Variants in ZNRF1 observed in about 807,000 individuals in gnomAD.
ZNRF1 encodes the protein E3 ubiquitin-protein ligase ZNRF1.
Under a neutral mutation model 18.4 loss-of-function variants are expected in ZNRF1, and 3 were observed. That is an observed-to-expected ratio of 0.16 (90% CI 0.07 to 0.42). The LOEUF (loss-of-function observed/expected upper bound fraction) is 0.42. Among genes scored for constraint, ZNRF1 ranks in the 10% least tolerant of loss-of-function variants. ZNRF1 has a pLI of 0.99. For synonymous variants in ZNRF1, 157 were observed against 144.2 expected (o/e 1.09, Z -0.64); for missense variants, 310 against 329.8 (o/e 0.94, Z 0.47).
intron 1 of ZNRF1, among the ~76,000 whole-genome samples, chr16:75,081,623 G>C (rs1035789790): frequency 1.2e-4 from 19 of 152,182 alleles, no homozygotes; most frequent in Non-Finnish European, 1.9e-4. Flanking sequence ...AGGGATGTAG[G>C]TGTGCAGTGT....
chr16:75,034,579 C>T (rs998742401), intron 1 of ZNRF1, among the ~76,000 whole-genome samples: 4 of 152,252 alleles, frequency 2.6e-5, no homozygotes, highest in East Asian at 3.9e-4. Flanking sequence ...GCTGTGAACA[C>T]GAATATACAA....
chr16:75,068,231 G>A (rs1002264714), intron 1 of ZNRF1, among the ~76,000 whole-genome samples: 13 of 148,832 alleles, frequency 8.7e-5, no homozygotes, highest in Admixed American at 5.4e-4. Flanking sequence ...GGGCATGATT[G>A]CATGCACCTG....
chr16:75,106,243 C>T lies in ZNRF1; in HGVS notation c.627-239C>T. On this transcript the variant is annotated intron_variant, in intron 3 of 4. Transcript: ENST00000335325. ...AAAGCCACTCTGCCCCTTCCTGCAG[C>T]ACCAGATCCCCCTGAGCCGGTACTG... 4 of 529,066 alleles carry T rather than the reference C, an allele frequency of 7.6e-6. No homozygotes were observed. The South Asian group carries it at 8.9e-5, about 12-fold the overall frequency. The allele number at this position is 529,066 out of a possible 1,614,324, so 32.8% of individuals were successfully genotyped here. A position where few individuals can be genotyped will look rare whatever the true frequency, so the allele number is the denominator to read the frequency against.
chr16:75,046,623 T>G (rs1216953445), intron 1 of ZNRF1: 3 of 152,256 alleles, frequency 2.0e-5, no homozygotes, highest in African/African-American at 4.8e-5. Context: ...TCGCCCAGGC[T>G]GGAGCACAGT....
At chr16:75,033,727 G>C (rs1037743598) in intron 1 of ZNRF1, among the ~76,000 whole-genome samples, 1 of 152,122 alleles carries the variant, frequency 6.6e-6, no homozygotes, top group African/African-American at 2.4e-5. Flanking sequence ...GTCAGCTATT[G>C]TGCTTGGCCT....
intron 1 of ZNRF1, among the ~76,000 whole-genome samples, chr16:75,041,045 C>T (rs1402951235): frequency 6.6e-6 from 1 of 152,138 alleles, no homozygotes; most frequent in Non-Finnish European, 1.5e-5. Context: ...AGCTGATAGA[C>T]TTTTGGATTG....
At chr16:75,091,135 G>C (rs1003768719) in intron 1 of ZNRF1, among the ~76,000 whole-genome samples, 6 of 152,118 alleles carry the variant, frequency 3.9e-5, no homozygotes, top group Non-Finnish European at 7.4e-5. Context: ...CAGGCAGGTA[G>C]ATCATCTGAG....
intron 1 of ZNRF1, among the ~76,000 whole-genome samples, chr16:75,042,741 G>A (rs185512927): frequency 2.4e-4 from 36 of 152,166 alleles, no homozygotes; most frequent in Admixed American, 1.1e-3. Flanking sequence ...TTCCATGTAC[G>A]TTTTAGGATC....
At chr16:75,083,093 C>CT (rs900567403) in intron 1 of ZNRF1, among the ~76,000 whole-genome samples, 3 of 152,180 alleles carry the variant, frequency 2.0e-5, no homozygotes, top group Non-Finnish European at 2.9e-5. Context: ...AATGATGCCT[C>CT]TTACAATTGA....
chr16:75,104,752 C>G (rs1179669343), intron 2 of ZNRF1, 32 bp from the exon 3 acceptor site: 2 of 1,560,776 alleles, frequency 1.3e-6, no homozygotes, highest in Non-Finnish European at 1.7e-6. Context: ...TGGTGACTAA[C>G]CCTCCTGCAC....
intron 1 of ZNRF1, among the ~76,000 whole-genome samples, chr16:75,043,674 C>G (rs750071870): frequency 1.3e-5 from 2 of 151,568 alleles, no homozygotes; most frequent in Non-Finnish European, 2.9e-5. Context: ...CAGTATATGG[C>G]ATATATACAC....
At chr16:75,051,042 AAAAAAAAC>A (rs1567479004) in intron 1 of ZNRF1, among the ~76,000 whole-genome samples, 2 of 66,344 alleles carry the variant, frequency 3.0e-5, no homozygotes, top group Admixed American at 1.5e-4. Context: ...AAAGAAAAAA[AAAAAAAAC>A]AAAACCTGGG....
intron 1 of ZNRF1, among the ~76,000 whole-genome samples, chr16:75,008,211 C>T (rs565864596): frequency 6.6e-6 from 1 of 152,210 alleles, no homozygotes; most frequent in Admixed American, 6.5e-5. Context: ...CAGATATTTG[C>T]TAAGCAATCT....
rs60722912 is a variant in ZNRF1, at chr16:75,047,061, T to TA, written c.425-46503dup. On this transcript the variant is annotated intron_variant, in intron 1 of 4. Transcript: ENST00000335325. ...GTGGATATAATCTGTCTCTTGCCAT[T>TA]AAAAAAAATTAAGCATTATGTTTTT... 7.2e-3 allele frequency among the ~76,000 whole-genome samples: 1,092 copies of TA among 152,182 alleles called. 48 individuals are homozygous for TA. In the East Asian group the frequency reaches 0.13, roughly 19 times the overall value.
intron 2 of ZNRF1, 60 bp from the exon 3 acceptor site, chr16:75,104,724 C>A (rs984985609): frequency 6.8e-6 from 10 of 1,473,338 alleles, no homozygotes; most frequent in Non-Finnish European, 9.3e-6. Flanking sequence ...CCTTGCTTGC[C>A]CCATGCCACC....
intron 1 of ZNRF1, among the ~76,000 whole-genome samples, chr16:75,082,615 C>T (rs1479290549): frequency 6.6e-6 from 1 of 152,016 alleles, no homozygotes. Context: ...GTACAATGGC[C>T]CAATCAAGGC....
chr16:75,034,175 T>C (rs1319099661), intron 1 of ZNRF1, among the ~76,000 whole-genome samples: 1 of 151,976 alleles, frequency 6.6e-6, no homozygotes, highest in Non-Finnish European at 1.5e-5. Context: ...AAACAAAAAA[T>C]TACCCTCAGT....
At chr16:75,073,008 A>C (rs1330056592) in intron 1 of ZNRF1, among the ~76,000 whole-genome samples, 1 of 152,186 alleles carries the variant, frequency 6.6e-6, no homozygotes, top group Admixed American at 6.5e-5. Context: ...TTGAGGGGCC[A>C]GGCAGGTACA....
At chr16:75,000,511 G>A (rs2034833060) in intron 1 of ZNRF1, 1 of 338,164 alleles carries the variant, frequency 3.0e-6, no homozygotes, top group Non-Finnish European at 5.8e-6. Flanking sequence ...CCTAAACAGA[G>A]TGTGTGAAAA....
Sources: allele counts gnomAD v4.1 joint callset (sites outside exome capture counted in the v4.1 genomes callset), GRCh38; gene constraint gnomAD v4.1.1; transcripts MANE v1.5; gene names NCBI Gene and HGNC (gene_info 2026-07-23, HGNC 2026-07-21).